Variants in TRIM58 observed in about 807,000 individuals in gnomAD.
The protein encoded by TRIM58 is tripartite motif containing 58.
In TRIM58, 38 loss-of-function variants were observed where a neutral mutation model predicts 34.1. The observed-to-expected ratio is 1.12, with a 90% CI of 0.86 to 1.46. TRIM58 has a LOEUF of 1.46. Among genes scored for constraint, TRIM58 ranks in the 40% most tolerant of loss-of-function variants. The pLI, the probability that TRIM58 is intolerant of heterozygous loss-of-function variation, is 0.00. For missense variants in TRIM58, 677 were observed against 642.0 expected, an observed-to-expected ratio of 1.05 and a Z score of -0.59; for synonymous variants, 273 against 275.7, an observed-to-expected ratio of 0.99 and a Z score of 0.10.
Position 247,864,813 on chromosome 1 carries a change from C to A in TRIM58, c.625C>A (p.Arg209=), listed in dbSNP as rs146992716. The A allele has an allele frequency of 5.0e-6, 8 of 1,613,874 alleles. No individual in the cohort carries two copies. The highest frequency in any genetic ancestry group is 5.9e-6 in the Non-Finnish European group (7 of 1,179,992). The change falls in exon 3 of 6, where the codon CGA becomes AGA. Residue 209 remains arginine (R), a synonymous_variant. Transcript: ENST00000366481. ...RQLRRLEAEE[R]ATLQRLRESK... The stretch of plus-strand genomic sequence containing the variant: ...GCTGAGGCGGCTGGAGGCGGAGGAG[C>A]GAGCGACGCTGCAGAGACTGCGGGA...
Position 247,858,851 on chromosome 1 carries a change from C to T in TRIM58, c.420+1185C>T, listed in dbSNP as rs554871521. ...TCTCGGCTCATTGCAACCTCCGTCT[C>T]CCGGGTCCTGGTGCAAGCAATTCTC... is the stretch of plus-strand genomic sequence containing the variant. On this transcript the variant is annotated intron_variant, in intron 1 of 5. Coordinates refer to ENST00000366481, the MANE Select transcript of TRIM58 (RefSeq NM_015431.4). 2.0e-5 allele frequency among the ~76,000 whole-genome samples: 3 copies of T among 146,638 alleles called. No homozygotes were observed. In the East Asian group the frequency reaches 6.2e-4, roughly 30 times the overall value.
rs753786438 is a variant in TRIM58 at position 247,876,083 on chromosome 1, T to G, written c.1055T>G (p.Val352Gly). The G allele has an allele frequency of 3.1e-6, 5 of 1,613,950 alleles. No homozygotes were observed. Among genetic ancestry groups the G allele is most frequent in the Non-Finnish European group, 4.2e-6 (5 of 1,180,022 alleles). Reference protein sequence around the residue: ...SSGRHYWEVLVGEGAEWGLGV... With the variant: ...SSGRHYWEVLGGEGAEWGLGV... ...GGGAGGCATTACTGGGAGGTTCTGGTGGGAGAAGGAGCAGAGTGGGGTTTA... is the reference window on the plus strand; with the variant it reads ...GGGAGGCATTACTGGGAGGTTCTGGGGGGAGAAGGAGCAGAGTGGGGTTTA... Residue 352 changes from valine to glycine, a missense_variant, in exon 6 of 6, where the codon GTG becomes GGG. Val to Gly is a moderately radical substitution (Grantham distance 109). Coordinates refer to ENST00000366481, the MANE Select transcript of TRIM58 (RefSeq NM_015431.4).
chr1:247,868,006 G>A lies in TRIM58; in HGVS notation c.814G>A (p.Glu272Lys). 1.2e-6 allele frequency: 2 copies of A among 1,612,580 alleles called. No individual in the cohort carries two copies. The highest frequency in any genetic ancestry group is 1.7e-6 in the Non-Finnish European group (2 of 1,179,590). ...GCTGGAAGCAGAGAACATCCCCATG[G>A]AACTGAAGACAGCATGCTGCATCCC... ...TRLEAENIPMELKTACCIPGR... is the reference protein window; with the variant it reads ...TRLEAENIPMKLKTACCIPGR... The change falls in exon 5 of 6, where the codon GAA (glutamate) becomes AAA (lysine). Residue 272 changes from glutamate to lysine, a missense_variant. Coordinates refer to ENST00000366481, the MANE Select transcript of TRIM58 (RefSeq NM_015431.4).
At chr1:247,863,271 G>A (rs555462711) in intron 2 of TRIM58, among the ~76,000 whole-genome samples, 1 of 152,346 alleles carries the variant, frequency 6.6e-6, no homozygotes, top group South Asian at 2.1e-4. Flanking sequence ...TGGGCACAGT[G>A]GCTCACGCCT....
intron 1 of TRIM58, among the ~76,000 whole-genome samples, chr1:247,858,374 C>G (rs976643845): frequency 5.9e-5 from 9 of 152,092 alleles, no homozygotes; most frequent in Non-Finnish European, 7.4e-5. Flanking sequence ...AATTGTGTGT[C>G]GATTTCTTCC....
intron 2 of TRIM58, among the ~76,000 whole-genome samples, chr1:247,864,422 T>C (rs1663868802): frequency 6.6e-6 from 1 of 152,016 alleles, no homozygotes; most frequent in Non-Finnish European, 1.5e-5. Flanking sequence ...ACCTCACATT[T>C]TGTATATGGT....
chr1:247,867,731 T>G, intron 3 of TRIM58, 114 bp from the exon 4 acceptor site: 1 of 1,194,330 alleles, frequency 8.4e-7, no homozygotes, highest in Non-Finnish European at 1.2e-6. Context: ...CCCTATAATT[T>G]TATCTCAATA....
intron 1 of TRIM58, 115 bp downstream of exon 1, chr1:247,857,781 C>T (rs1427466106): frequency 2.5e-6 from 3 of 1,179,498 alleles, no homozygotes; most frequent in Admixed American, 9.0e-5. Flanking sequence ...CGGCCGCTCC[C>T]CCCACCGCGC....
chr1:247,861,127 G>A (rs566939179), intron 2 of TRIM58, among the ~76,000 whole-genome samples: 11 of 152,238 alleles, frequency 7.2e-5, no homozygotes, highest in South Asian at 4.1e-4. Context: ...TAATCTGAAC[G>A]TTTAGCCTTT....
At chr1:247,865,792 G>A (rs1386086665) in intron 3 of TRIM58, among the ~76,000 whole-genome samples, 1 of 152,112 alleles carries the variant, frequency 6.6e-6, no homozygotes, top group Admixed American at 6.5e-5. Flanking sequence ...AATTTATCTG[G>A]ACCGACTCCT....
At position 247,878,791 on chromosome 1, in the gene TRIM58, C is replaced by T. The variant is rs909708557; in HGVS notation, c.*2302C>T. On this transcript the variant is annotated 3_prime_UTR_variant, in exon 6 of 6. Coordinates refer to ENST00000366481, the MANE Select transcript of TRIM58 (RefSeq NM_015431.4). ...ATTTCCCACTGTGTAGCCCAGTACT[C>T]TGGTCTCACTGTCTCTGCTGAATCC... Among the ~76,000 whole-genome samples the T allele has an allele frequency of 2.0e-5, 3 of 152,212 alleles. No homozygotes were observed. Among genetic ancestry groups the T allele is most frequent in the African/African-American group, 7.2e-5 (3 of 41,460 alleles).
chr1:247,859,117 T>C (rs548574843), intron 1 of TRIM58, among the ~76,000 whole-genome samples: 44 of 152,084 alleles, frequency 2.9e-4, no homozygotes, highest in Non-Finnish European at 5.6e-4. Context: ...AAATACCAAA[T>C]AAATATTATC....
At chr1:247,871,853 A>G (rs568170991) in intron 5 of TRIM58, among the ~76,000 whole-genome samples, 1 of 152,370 alleles carries the variant, frequency 6.6e-6, no homozygotes, top group Admixed American at 6.5e-5. Context: ...GACACAGAAT[A>G]TTGAAGAAAA....
rs754305474 is a variant in TRIM58 at position 247,860,666 on chromosome 1, C to T, written c.470C>T (p.Ala157Val). The stretch of plus-strand genomic sequence containing the variant: ...CTTATGAGGAAAGAGTTGGAGGACG[C>T]CTTGACTCAGGAGGCCAACGTGGGG... ...LELMRKELED[A>V]LTQEANVGKK... The change falls in exon 2 of 6, where the codon GCC becomes GTC. Residue 157 changes from alanine (A) to valine (V), a missense_variant. By Grantham distance (64) the Ala-to-Val change is moderately conservative (BLOSUM62 0). Transcript: ENST00000366481. The T allele has an allele frequency of 6.2e-7, 1 of 1,613,684 alleles. No individual in the cohort carries two copies. Among genetic ancestry groups the T allele is most frequent in the East Asian group, 2.2e-5 (1 of 44,820 alleles).
In TRIM58 at chr1:247,870,977, G is replaced by A. The variant is rs375216168; in HGVS notation, c.871+2914G>A. On this transcript the variant is annotated intron_variant, in intron 5 of 5. Transcript: ENST00000366481. ...ACGAGGATTAGTATATTCATGAGCCGTATCAGAGTCACGGCCACCCATAGA... is the reference window on the plus strand; with the variant it reads ...ACGAGGATTAGTATATTCATGAGCCATATCAGAGTCACGGCCACCCATAGA... Among the ~76,000 whole-genome samples, 7 of 135,916 alleles carry A rather than the reference G, an allele frequency of 5.2e-5. No individual in the cohort carries two copies. In the East Asian group the frequency reaches 9.0e-4, roughly 17 times the overall value. 89.2% of individuals were successfully genotyped at this position (135,916 alleles called of 152,430 possible).
Position 247,860,715 on chromosome 1 carries a change from A to G in TRIM58, c.516+3A>G, listed in dbSNP as rs770855502. 4 of 1,611,062 alleles carry G rather than the reference A, an allele frequency of 2.5e-6. No homozygotes were observed. The highest frequency in any genetic ancestry group is 3.4e-6 in the Non-Finnish European group (4 of 1,177,436). On this transcript the variant is annotated splice_donor_region_variant and intron_variant, in intron 2 of 5. Coordinates refer to ENST00000366481, the MANE Select transcript of TRIM58 (RefSeq NM_015431.4). ...GGAAAAAGACTGTCATTTGGAAGGT[A>G]AGACCATGTTGGGGCTTTAGGAGGC...
chr1:247,879,050 T>G lies in TRIM58; in HGVS notation c.*2561T>G, dbSNP rs1301935033. ...TTTCCCTCTCCTTTCCTCTGAATGGTAGTCTTTTATATTCAGCTGTCCACT... is the reference window on the plus strand; with the variant it reads ...TTTCCCTCTCCTTTCCTCTGAATGGGAGTCTTTTATATTCAGCTGTCCACT... On this transcript the variant is annotated 3_prime_UTR_variant, in exon 6 of 6. Transcript: ENST00000366481. Among the ~76,000 whole-genome samples the G allele has an allele frequency of 1.3e-5, 2 of 152,120 alleles. No homozygotes were observed. The highest frequency in any genetic ancestry group is 2.9e-5 in the Non-Finnish European group (2 of 68,030).
rs371240676 is a variant in TRIM58 at position 247,875,920 on chromosome 1, G to A, written c.892G>A (p.Ala298Thr). The A allele has an allele frequency of 9.9e-6, 16 of 1,612,378 alleles. No individual in the cohort carries two copies. The highest frequency in any genetic ancestry group is 4.5e-5 in the East Asian group (2 of 44,836). Reference protein sequence around the residue: ...KFQVDVKLDPATAHPSLLLTA... With the variant: ...KFQVDVKLDPTTAHPSLLLTA... Reference sequence around the variant, plus strand: ...CGCAGTGGATGTAAAGCTGGATCCCGCCACGGCGCACCCGAGTCTGCTCTT... The same window carrying A: ...CGCAGTGGATGTAAAGCTGGATCCCACCACGGCGCACCCGAGTCTGCTCTT... Residue 298 changes from alanine (A) to threonine (T), a missense_variant, in exon 6 of 6, where the codon GCC (alanine) becomes ACC (threonine). By Grantham distance (58) the Ala-to-Thr change is moderately conservative. Coordinates refer to ENST00000366481, the MANE Select transcript of TRIM58 (RefSeq NM_015431.4).
intron 1 of TRIM58, among the ~76,000 whole-genome samples, chr1:247,859,036 G>A (rs1025475261): frequency 4.6e-5 from 7 of 151,980 alleles, no homozygotes; most frequent in South Asian, 2.1e-4. Flanking sequence ...AAGTGCTGGT[G>A]TTACAGGCAG....
Sources: gnomAD v4.1 joint callset for allele counts (sites outside exome capture counted in the v4.1 genomes callset) on GRCh38, gnomAD v4.1.1 for gene constraint, MANE v1.5 for transcripts, NCBI Gene and HGNC (gene_info 2026-07-23, HGNC 2026-07-21) for gene names.